ARHGAP25: variants seen among roughly 807,000 people sequenced by gnomAD.
The protein encoded by ARHGAP25 is rho GTPase-activating protein 25.
ARHGAP25 carries 34 observed loss-of-function variants against 71.0 expected under a neutral mutation model. That is an observed-to-expected ratio of 0.48 (90% CI 0.36 to 0.64). ARHGAP25 has a LOEUF of 0.64. Among genes scored for constraint, ARHGAP25 ranks in the 30% least tolerant of loss-of-function variants. The pLI is 0.00. For synonymous variants in ARHGAP25, 282 were observed against 296.5 expected, an observed-to-expected ratio of 0.95 and a Z score of 0.50; for missense variants, 706 against 805.1, an observed-to-expected ratio of 0.88 and a Z score of 1.49.
chr2:68,799,661 A>C (rs571777729), intron 4 of ARHGAP25, among the ~76,000 whole-genome samples: 28 of 152,200 alleles, frequency 1.8e-4, no homozygotes, highest in African/African-American at 6.7e-4. Context: ...ACTTATTTTT[A>C]TTGCGGTCCT....
At chr2:68,761,905 AC>A (rs1267176670) in intron 1 of ARHGAP25, among the ~76,000 whole-genome samples, 8 of 152,208 alleles carry the variant, frequency 5.3e-5, no homozygotes, top group Non-Finnish European at 7.3e-5. Flanking sequence ...AGAATTGAAA[AC>A]AGAGTCTTGA....
intron 6 of ARHGAP25, chr2:68,816,005 A>C (rs1040341305): frequency 2.3e-6 from 1 of 442,406 alleles, no homozygotes; most frequent in African/African-American, 2.0e-5. Context: ...GTTGTTAAAC[A>C]GTCCTTCCTT....
rs1251867603 is a variant in ARHGAP25 at position 68,826,598 on chromosome 2, G to C, written c.*404G>C. 1 of 330,096 alleles carries C rather than the reference G, an allele frequency of 3.0e-6. No homozygotes were observed. Among genetic ancestry groups the C allele is most frequent in the Non-Finnish European group, 5.9e-6 (1 of 169,106 alleles). The allele number at this position is 330,096 out of a possible 1,614,324, so 20.4% of individuals were successfully genotyped here. ...TCAGACAGCCTCAGGGCATCTCTGA[G>C]ACACAGGGGCAGAAAATGACATTCA... On this transcript the variant is annotated 3_prime_UTR_variant, in exon 11 of 11. Coordinates refer to ENST00000409202, the MANE Select transcript of ARHGAP25 (RefSeq NM_001007231.3).
In ARHGAP25 at chr2:68,757,263, TG is replaced by T. The variant is rs1321866785; in HGVS notation, c.62-17957del. 9.2e-5 allele frequency among the ~76,000 whole-genome samples: 14 copies of T among 152,194 alleles called. No individual in the cohort carries two copies. The South Asian group carries it at 2.7e-3, about 29-fold the overall frequency. ...GCAGAGAGAATATTTGAAGAAATAA[TG>T]ATGGAAAACTTCCCAAATTTGATGA... On this transcript the variant is annotated intron_variant, in intron 1 of 10. Coordinates refer to ENST00000409202, the MANE Select transcript of ARHGAP25 (RefSeq NM_001007231.3).
chr2:68,763,475 CT>C (rs1441674707), intron 1 of ARHGAP25, among the ~76,000 whole-genome samples: 1 of 152,138 alleles, frequency 6.6e-6, no homozygotes, highest in East Asian at 1.9e-4. Context: ...CTTCCCTCCC[CT>C]TTTTTCGGTT....
chr2:68,764,264 C>T (rs1029641187), intron 1 of ARHGAP25, among the ~76,000 whole-genome samples: 1 of 152,138 alleles, frequency 6.6e-6, no homozygotes, highest in East Asian at 1.9e-4. Context: ...TATCCAGTAA[C>T]CTGTTTGTGG....
chr2:68,722,756 T>C (rs750586977), intron 2 of ARHGAP25, among the ~76,000 whole-genome samples: 34 of 152,084 alleles, frequency 2.2e-4, no homozygotes, highest in Non-Finnish European at 3.7e-4. Context: ...TAGCTCAGGC[T>C]CCTGAACCTC....
intron 1 of ARHGAP25, among the ~76,000 whole-genome samples, chr2:68,737,414 G>A (rs1364353533): frequency 6.6e-6 from 1 of 152,208 alleles, no homozygotes. Flanking sequence ...GACATTTGGG[G>A]TTGGATAGTT....
chr2:68,763,786 C>T (rs902610138), intron 1 of ARHGAP25, among the ~76,000 whole-genome samples: 13 of 152,236 alleles, frequency 8.5e-5, no homozygotes, highest in South Asian at 6.2e-4. Flanking sequence ...TCTGCAGAAA[C>T]TGTTCTACTC....
chr2:68,780,977 C>A (rs763632232), intron 2 of ARHGAP25, among the ~76,000 whole-genome samples: 1 of 152,212 alleles, frequency 6.6e-6, no homozygotes, highest in Non-Finnish European at 1.5e-5. Flanking sequence ...TGCGCACTAA[C>A]GATGTTACTT....
chr2:68,782,384 C>T (rs1678406077), intron 3 of ARHGAP25, 64 bp downstream of exon 3: 4 of 1,434,748 alleles, frequency 2.8e-6, no homozygotes, highest in Middle Eastern at 1.8e-4. Context: ...TACTTCTGGA[C>T]CCTAGAAGTC....
At chr2:68,805,542 G>A (rs1236436885) in intron 4 of ARHGAP25, among the ~76,000 whole-genome samples, 1 of 152,046 alleles carries the variant, frequency 6.6e-6, no homozygotes, top group East Asian at 1.9e-4. Context: ...TGGGAGAGAA[G>A]CAGATGAGTA....
intron 1 of ARHGAP25, among the ~76,000 whole-genome samples, chr2:68,739,170 A>AC (rs879919300): frequency 3.9e-5 from 6 of 152,328 alleles, no homozygotes; most frequent in Admixed American, 3.9e-4. Flanking sequence ...CCACTCATGC[A>AC]CAAAATTCCC....
At chr2:68,813,479 T>G in intron 6 of ARHGAP25, 60 bp downstream of exon 6, 3 of 1,568,386 alleles carry the variant, frequency 1.9e-6, no homozygotes, top group Non-Finnish European at 2.6e-6. Context: ...TTCTGGACAC[T>G]AATCCAGTAG....
At chr2:68,804,338 G>C (rs1157057522) in intron 4 of ARHGAP25, among the ~76,000 whole-genome samples, 1 of 152,160 alleles carries the variant, frequency 6.6e-6, no homozygotes, top group Non-Finnish European at 1.5e-5. Context: ...AGTTTCAACT[G>C]TTCCAAGAGA....
intron 2 of ARHGAP25, among the ~76,000 whole-genome samples, chr2:68,779,744 T>TAAGTAA (rs1200165630): frequency 6.6e-6 from 1 of 152,236 alleles, no homozygotes; most frequent in African/African-American, 2.4e-5. Context: ...GTCAACTTGC[T>TAAGTAA]AAGTACAAGT....
intron 2 of ARHGAP25, among the ~76,000 whole-genome samples, chr2:68,780,792 G>C (rs1317297485): frequency 6.6e-6 from 1 of 151,940 alleles, no homozygotes; most frequent in African/African-American, 2.4e-5. Context: ...CTCCTGAGTG[G>C]ATCTTACTTC....
intron 2 of ARHGAP25, among the ~76,000 whole-genome samples, chr2:68,781,757 T>A (rs1417371797): frequency 6.6e-6 from 1 of 152,212 alleles, no homozygotes; most frequent in Admixed American, 6.5e-5. Context: ...ACATGAATAA[T>A]ACATTCAAGG....
chr2:68,787,605 A>G (rs772742399), intron 3 of ARHGAP25, among the ~76,000 whole-genome samples: 2 of 152,244 alleles, frequency 1.3e-5, no homozygotes, highest in Non-Finnish European at 2.9e-5. Context: ...TCTCAGCCCA[A>G]GCTATGCCAA....
Sources: gnomAD v4.1 joint callset for allele counts (sites outside exome capture counted in the v4.1 genomes callset) on GRCh38, gnomAD v4.1.1 for gene constraint, MANE v1.5 for transcripts, NCBI Gene and HGNC (gene_info 2026-07-23, HGNC 2026-07-21) for gene names.